Variants in CFAP100 observed in about 807,000 individuals in gnomAD.
CFAP100 encodes the protein cilia- and flagella-associated protein 100.
In CFAP100, 70 loss-of-function variants were observed where a neutral mutation model predicts 81.5. That is an observed-to-expected ratio of 0.86 (90% CI 0.71 to 1.05). The LOEUF (loss-of-function observed/expected upper bound fraction) is 1.05, where lower values mean the gene tolerates loss of function less well. Ranked by LOEUF, CFAP100 falls within the 50% of genes least tolerant of loss-of-function variation. CFAP100 has a pLI of 0.00. For synonymous variants in CFAP100, 341 were observed against 314.8 expected, an observed-to-expected ratio of 1.08 and a Z score of -0.88; for missense variants, 811 against 776.5, an observed-to-expected ratio of 1.04 and a Z score of -0.53.
At position 126,416,527 on chromosome 3, in the gene CFAP100, G is replaced by C; in HGVS notation, c.418+19G>C. 1 of 1,528,328 alleles carries C rather than the reference G, an allele frequency of 6.5e-7. No homozygotes were observed. The highest frequency in any genetic ancestry group is 8.8e-7 in the Non-Finnish European group (1 of 1,134,656). 94.7% of individuals were successfully genotyped at this position (1,528,328 alleles called of 1,614,324 possible). On this transcript the variant is annotated intron_variant, in intron 5 of 16. Coordinates refer to ENST00000352312, the MANE Select transcript of CFAP100 (RefSeq NM_182628.3). ...ACCAAAGGTGCGTCCCCTCCGGCGC[G>C]GGGGGACCTGGGCCAGTGGCGTCCC...
intron 13 of CFAP100, among the ~76,000 whole-genome samples, chr3:126,424,806 GA>G (rs1231183307): frequency 5.9e-5 from 9 of 152,244 alleles, no homozygotes; most frequent in African/African-American, 2.2e-4. Flanking sequence ...CAGCAGATGG[GA>G]GGGGTAGAGA....
chr3:126,431,765 G>A (rs1163632440), intron 13 of CFAP100, among the ~76,000 whole-genome samples: 2 of 152,058 alleles, frequency 1.3e-5, no homozygotes, highest in Non-Finnish European at 2.9e-5. Flanking sequence ...CCATCCATTT[G>A]TTGAAGAAAC....
At chr3:126,410,970 C>CT (rs1482614042) in intron 3 of CFAP100, among the ~76,000 whole-genome samples, 1 of 152,208 alleles carries the variant, frequency 6.6e-6, no homozygotes, top group Non-Finnish European at 1.5e-5. Context: ...CTCCTGGAGG[C>CT]TGGGAGAAAA....
chr3:126,395,054 G>T, intron 1 of CFAP100, 76 bp downstream of exon 1: 1 of 152,566 alleles, frequency 6.6e-6, no homozygotes, highest in South Asian at 2.0e-4. Context: ...GCAGGGGTGC[G>T]AAACCAGGGC....
intron 2 of CFAP100, among the ~76,000 whole-genome samples, chr3:126,398,720 C>T (rs928857330): frequency 6.6e-6 from 1 of 152,242 alleles, no homozygotes; most frequent in African/African-American, 2.4e-5. Context: ...ACATCCGAAG[C>T]CTGGCCTGGT....
intron 2 of CFAP100, among the ~76,000 whole-genome samples, chr3:126,406,944 C>T (rs2083072720): frequency 6.6e-6 from 1 of 152,270 alleles, no homozygotes; most frequent in Non-Finnish European, 1.5e-5. Context: ...AACATCCGTG[C>T]ACCAGGCACA....
chr3:126,412,066 C>A (rs1172259691), intron 3 of CFAP100, among the ~76,000 whole-genome samples: 1 of 152,170 alleles, frequency 6.6e-6, no homozygotes. Context: ...CTCTTGGGAC[C>A]GCTTTTCTGT....
In CFAP100 at chr3:126,416,415, G is replaced by A. The variant is rs1405226935; in HGVS notation, c.325G>A (p.Glu109Lys). The change falls in exon 5 of 17, where the codon GAG becomes AAG. Residue 109 changes from glutamate to lysine, a missense_variant. Transcript: ENST00000352312. ...CAGCCTGCGGCGGCAGCTGCAGCTG[G>A]AGGACAAGCAGGAGGACCTGGAGGC... is the stretch of plus-strand genomic sequence containing the variant. ...HTSLRRQLQL[E>K]DKQEDLEARA... 4.3e-6 allele frequency: 7 copies of A among 1,612,012 alleles called. No individual in the cohort carries two copies. The highest frequency in any genetic ancestry group is 4.0e-5 in the African/African-American group (3 of 74,874).
At chr3:126,434,864 C>A (rs1933380889) in intron 15 of CFAP100, among the ~76,000 whole-genome samples, 1 of 152,152 alleles carries the variant, frequency 6.6e-6, no homozygotes, top group Admixed American at 6.5e-5. Flanking sequence ...GAGCGGAAGA[C>A]AAAGTGCAGA....
intron 2 of CFAP100, among the ~76,000 whole-genome samples, chr3:126,398,180 C>G (rs2082916906): frequency 6.6e-6 from 1 of 151,350 alleles, no homozygotes; most frequent in Non-Finnish European, 1.5e-5. Flanking sequence ...TTTGAGGCAT[C>G]AGGGCGGGCA....
rs1277724815 is a variant in CFAP100 at position 126,418,608 on chromosome 3, C to G, written c.487-3C>G. 2.5e-6 allele frequency: 4 copies of G among 1,609,122 alleles called. No homozygotes were observed. Among genetic ancestry groups the G allele is most frequent in the Non-Finnish European group, 3.4e-6 (4 of 1,177,520 alleles). On this transcript the variant is annotated splice_region_variant and splice_polypyrimidine_tract_variant and intron_variant, in intron 6 of 16. Transcript: ENST00000352312. ...ACCATGACCCCACTCTGCTGGCCCC[C>G]AGTATGCCCTGGATGTCAAGCGGAG...
At chr3:126,396,106 T>C in intron 2 of CFAP100, 57 bp downstream of exon 2, 1 of 1,313,534 alleles carries the variant, frequency 7.6e-7, no homozygotes, top group Non-Finnish European at 1.1e-6. Context: ...TCGGAGCCTG[T>C]CCAGCTCCCT....
At chr3:126,398,191 G>A (rs1560058629) in intron 2 of CFAP100, among the ~76,000 whole-genome samples, 1 of 152,210 alleles carries the variant, frequency 6.6e-6, no homozygotes, top group Admixed American at 6.5e-5. Context: ...AGGGCGGGCA[G>A]GGGTGGGGGC....
chr3:126,426,620 C>A (rs1313015841), intron 13 of CFAP100, among the ~76,000 whole-genome samples: 1 of 152,072 alleles, frequency 6.6e-6, no homozygotes, highest in African/African-American at 2.4e-5. Flanking sequence ...CGTGGTGGTG[C>A]GTGCCTGTAA....
At chr3:126,423,794 G>A (rs964806243) in intron 13 of CFAP100, 150 bp downstream of exon 13, 23 of 1,021,560 alleles carry the variant, frequency 2.3e-5, no homozygotes, top group African/African-American at 8.1e-5. Flanking sequence ...GCGAAGCTCC[G>A]TTTGTGGGCC....
intron 13 of CFAP100, among the ~76,000 whole-genome samples, chr3:126,429,066 G>A (rs10934774): frequency 0.25 from 34,463 of 137,468 alleles, 4,213 homozygotes; most frequent in East Asian, 0.38. Context: ...CCAAGATTGT[G>A]CCACAGCACT....
At chr3:126,400,520 A>G (rs1490653237) in intron 2 of CFAP100, among the ~76,000 whole-genome samples, 4 of 152,122 alleles carry the variant, frequency 2.6e-5, no homozygotes, top group Non-Finnish European at 4.4e-5. Context: ...TCGGGAGGCC[A>G]AGGCGGGCGG....
rs756391689 is a variant in CFAP100, at chr3:126,423,660, T to C, written c.1286+16T>C. 5.0e-6 allele frequency: 8 copies of C among 1,613,550 alleles called. No individual in the cohort carries two copies. The Admixed American group carries it at 1.0e-4, about 20-fold the overall frequency. ...AGATCCGCATGTAGGTGCTATGCGGTGGCCAGTGGGGGCTCCCTGCCGCTC... is the reference window on the plus strand; with the variant it reads ...AGATCCGCATGTAGGTGCTATGCGGCGGCCAGTGGGGGCTCCCTGCCGCTC... On this transcript the variant is annotated intron_variant, in intron 13 of 16. Transcript: ENST00000352312.
At chr3:126,423,777 G>A in intron 13 of CFAP100, 133 bp downstream of exon 13, 1 of 1,142,858 alleles carries the variant, frequency 8.7e-7, no homozygotes, top group Non-Finnish European at 1.2e-6. Context: ...TGTCTGAAAA[G>A]CTCCGAGCGA....
Sources: gnomAD v4.1 joint callset for allele counts (sites outside exome capture counted in the v4.1 genomes callset) on GRCh38, gnomAD v4.1.1 for gene constraint, MANE v1.5 for transcripts, NCBI Gene and HGNC (gene_info 2026-07-23, HGNC 2026-07-21) for gene names.